Variants in RBFOX3 observed in about 807,000 individuals in gnomAD.
RBFOX3 encodes RNA binding fox-1 homolog 3.
In RBFOX3, 17 loss-of-function variants were observed where a neutral mutation model predicts 48.7. That is an observed-to-expected ratio of 0.35 (90% confidence interval 0.24 to 0.52). The LOEUF is 0.52. Ranked by LOEUF, RBFOX3 falls within the 20% of genes least tolerant of loss-of-function variation. The pLI is 0.94. For synonymous variants in RBFOX3, 212 were observed against 209.5 expected, an observed-to-expected ratio of 1.01 and a Z score of -0.10; for missense variants, 382 against 497.5, an observed-to-expected ratio of 0.77 and a Z score of 2.21.
chr17:79,176,659 G>T (rs146412363), intron 4 of RBFOX3, among the ~76,000 whole-genome samples: 1 of 152,226 alleles, frequency 6.6e-6, no homozygotes, highest in African/African-American at 2.4e-5. Context: ...GCTGGAGGGG[G>T]TTTCCCAGGG....
chr17:79,651,817 G>A, the RBFOX3 span, among the ~76,000 whole-genome samples: 1 of 93,892 alleles, frequency 1.1e-5, no homozygotes. Flanking sequence ...CTTTCTCTCT[G>A]TCTTCTTCCT....
intron 2 of RBFOX3, among the ~76,000 whole-genome samples, chr17:79,309,771 G>A (rs771389827): frequency 1.4e-4 from 21 of 152,124 alleles, no homozygotes; most frequent in Non-Finnish European, 1.9e-4. Context: ...TCTCGTGAGA[G>A]CTGATGGTTT....
At chr17:79,139,962 C>A (rs758531390) in intron 4 of RBFOX3, among the ~76,000 whole-genome samples, 37 of 146,442 alleles carry the variant, frequency 2.5e-4, no homozygotes, top group South Asian at 1.3e-3. Context: ...GCTTTCCCTG[C>A]AGGTAAAAGG....
At chr17:79,631,013 A>G in the RBFOX3 span, among the ~76,000 whole-genome samples, 1 of 152,156 alleles carries the variant, frequency 6.6e-6, no homozygotes, top group Non-Finnish European at 1.5e-5. Flanking sequence ...TCAGAGCCAG[A>G]GTCCACTCAG....
At chr17:79,370,921 T>C (rs1023202884) in intron 2 of RBFOX3, among the ~76,000 whole-genome samples, 1 of 152,200 alleles carries the variant, frequency 6.6e-6, no homozygotes, top group Admixed American at 6.5e-5. Flanking sequence ...AGTGCCCCCA[T>C]GTGGGGCCAA....
chr17:79,411,089 C>T (rs1039901687), intron 2 of RBFOX3, among the ~76,000 whole-genome samples: 7 of 152,252 alleles, frequency 4.6e-5, no homozygotes, highest in African/African-American at 1.7e-4. Flanking sequence ...AAAACAGCAA[C>T]AGGAACCACC....
chr17:79,250,810 CCTTTCTCTCTCTCT>C (rs1485177290), intron 3 of RBFOX3, among the ~76,000 whole-genome samples: 328 of 146,322 alleles, frequency 2.2e-3, no homozygotes, highest in Non-Finnish European at 3.9e-3. Flanking sequence ...TCCCTCCCTC[CCTTTCTCTCTCTCT>C]CTTTCTCTCT....
At chr17:79,485,620 C>T (rs1254522430) in intron 1 of RBFOX3, among the ~76,000 whole-genome samples, 1 of 152,226 alleles carries the variant, frequency 6.6e-6, no homozygotes, top group Non-Finnish European at 1.5e-5. Flanking sequence ...TCCACCACAC[C>T]TTGCAAGCCA....
intron 4 of RBFOX3, among the ~76,000 whole-genome samples, chr17:79,187,446 C>T (rs187665941): frequency 1.0e-3 from 152 of 152,252 alleles, no homozygotes; most frequent in Admixed American, 2.9e-3. Context: ...CGCGCCAAGC[C>T]GAGCCTTCAT....
At chr17:79,140,660 T>C (rs2041737850) in intron 4 of RBFOX3, among the ~76,000 whole-genome samples, 2 of 152,250 alleles carry the variant, frequency 1.3e-5, no homozygotes, top group South Asian at 4.1e-4. Flanking sequence ...CACAGAGCTT[T>C]AGTCTCCTAG....
intron 2 of RBFOX3, among the ~76,000 whole-genome samples, chr17:79,475,826 C>T (rs1320971579): frequency 2.1e-4 from 32 of 152,184 alleles, no homozygotes; most frequent in African/African-American, 6.5e-4. Context: ...TGGCCAGTGG[C>T]CCCCAGAGCC....
intron 4 of RBFOX3, among the ~76,000 whole-genome samples, chr17:79,145,365 C>A (rs2042816231): frequency 6.6e-6 from 1 of 152,212 alleles, no homozygotes; most frequent in Admixed American, 6.5e-5. Context: ...CCTGAAATTG[C>A]CTTGGAAGCT....
rs2062627206 is a variant in RBFOX3, at chr17:79,243,086, C to G, written c.-73-7281G>C. ...GATGTCATTTCAGCTTTACAACCAC[C>G]CTAGGGGGCAGGTACTATGATCACT... On this transcript the variant is annotated intron_variant, in intron 3 of 14. Transcript: ENST00000693108. This position sits in a 1 kb window ranked among gnomAD's most constrained non-coding sequence, Gnocchi z 7.9. Among the ~76,000 whole-genome samples the G allele has an allele frequency of 6.6e-6, 1 of 152,102 alleles. No homozygotes were observed. The highest frequency in any genetic ancestry group is 1.5e-5 in the Non-Finnish European group (1 of 68,010).
intron 1 of RBFOX3, among the ~76,000 whole-genome samples, chr17:79,530,687 G>A (rs948262841): frequency 2.0e-5 from 3 of 152,106 alleles, no homozygotes; most frequent in Non-Finnish European, 2.9e-5. Context: ...TCCAGCCCTC[G>A]GGTGCCTGCA....
chr17:79,256,142 G>A (rs924315882), intron 3 of RBFOX3, among the ~76,000 whole-genome samples: 1 of 151,842 alleles, frequency 6.6e-6, no homozygotes, highest in Non-Finnish European at 1.5e-5. Flanking sequence ...CCCGCCAGGT[G>A]TGCACCCCCG....
intron 1 of RBFOX3, among the ~76,000 whole-genome samples, chr17:79,529,833 C>A (rs1195309187): frequency 6.6e-6 from 1 of 152,212 alleles, no homozygotes; most frequent in Non-Finnish European, 1.5e-5. Context: ...GGGCCAAACC[C>A]AGCTCCCCCA....
intron 2 of RBFOX3, among the ~76,000 whole-genome samples, chr17:79,373,059 G>A (rs958090443): frequency 1.3e-5 from 2 of 152,154 alleles, no homozygotes; most frequent in Admixed American, 6.5e-5. Flanking sequence ...AGCTCACGTC[G>A]CCTCTCAGCA....
Position 79,326,523 on chromosome 17 carries a change from C to G in RBFOX3, c.-174-18699G>C, listed in dbSNP as rs182362119. Among the ~76,000 whole-genome samples the G allele has an allele frequency of 8.5e-5, 13 of 152,282 alleles. No individual in the cohort carries two copies. In the East Asian group the frequency reaches 2.3e-3, roughly 27 times the overall value. On this transcript the variant is annotated intron_variant, in intron 2 of 14. Transcript: ENST00000693108. ...CGTCTATATATTCTTTCACCATAAT[C>G]TTATTCTTACTTTATAGGTGAGAGA...
At chr17:79,294,367 G>C (rs147504598) in intron 3 of RBFOX3, among the ~76,000 whole-genome samples, 11 of 152,242 alleles carry the variant, frequency 7.2e-5, no homozygotes, top group African/African-American at 2.6e-4. Flanking sequence ...ATGGAGTACA[G>C]TGGTGTGATC....
Sources: allele counts gnomAD v4.1 joint callset (sites outside exome capture counted in the v4.1 genomes callset), GRCh38; gene constraint gnomAD v4.1.1; non-coding constraint Gnocchi (gnomAD v3.1); transcripts MANE v1.5; gene names NCBI Gene and HGNC (gene_info 2026-07-23, HGNC 2026-07-21).